Variants in ADGRV1 observed in about 807,000 individuals in gnomAD.
ADGRV1 encodes G-protein coupled receptor 98.
A neutral mutation model predicts 596.2 loss-of-function variants in ADGRV1; 359 were observed. That is an observed-to-expected ratio of 0.60 (90% CI 0.55 to 0.66). The LOEUF is 0.66. Ranked by LOEUF, ADGRV1 falls within the 30% of genes least tolerant of loss-of-function variation. The pLI, the probability that ADGRV1 is intolerant of heterozygous loss-of-function variation, is 0.00. For synonymous variants in ADGRV1, 2,681 were observed against 2,679.2 expected (o/e 1.00, Z -0.02); for missense variants, 7,274 against 7,575.6 (o/e 0.96, Z 1.48).
chr5:90,888,459 T>G (rs527920635), intron 83 of ADGRV1, among the ~76,000 whole-genome samples: 25 of 152,270 alleles, frequency 1.6e-4, no homozygotes, highest in South Asian at 2.1e-4. Flanking sequence ...AGCAATATCT[T>G]CTGGCTGGCA....
At chr5:90,698,667 AGAT>A (rs1262392946) in intron 34 of ADGRV1, among the ~76,000 whole-genome samples, 1 of 152,198 alleles carries the variant, frequency 6.6e-6, no homozygotes, top group Non-Finnish European at 1.5e-5. Context: ...CATTGGTTAA[AGAT>A]GATAGCTGAA....
Position 90,940,301 on chromosome 5 carries a change from G to A in ADGRV1, c.17857-25114G>A, listed in dbSNP as rs947794591. Among the ~76,000 whole-genome samples, 3 of 152,182 alleles carry A rather than the reference G, an allele frequency of 2.0e-5. No individual in the cohort carries two copies. The East Asian group carries it at 5.8e-4, about 29-fold the overall frequency. ...CTCAGTGTTCAAACTATTCCACAAA[G>A]AGAAAATATATTATCTGTGTTACTA... On this transcript the variant is annotated intron_variant, in intron 83 of 89. Coordinates refer to ENST00000405460, the MANE Select transcript of ADGRV1 (RefSeq NM_032119.4).
intron 83 of ADGRV1, among the ~76,000 whole-genome samples, chr5:90,956,891 A>G (rs1054420072): frequency 6.6e-6 from 1 of 152,194 alleles, no homozygotes; most frequent in Non-Finnish European, 1.5e-5. Context: ...AAAGAGCTGT[A>G]ATGTTAAGAT....
rs73772440 is a variant in ADGRV1 at position 90,672,254 on chromosome 5, C to T, written c.4753-292C>T. On this transcript the variant is annotated intron_variant, in intron 21 of 89. Transcript: ENST00000405460. ...TATTTTGCAACCATAGCATATGGCA[C>T]AGTGGTTGGAACACAGGAGGTATCA... is the stretch of plus-strand genomic sequence containing the variant. Among the ~76,000 whole-genome samples, 952 of 152,264 alleles carry T rather than the reference C, an allele frequency of 6.3e-3. 6 individuals are homozygous for T. Among genetic ancestry groups the T allele is most frequent in the African/African-American group, 0.022 (910 of 41,552 alleles).
At position 90,791,224 on chromosome 5, in the gene ADGRV1, G is replaced by T; in HGVS notation, c.14395G>T (p.Val4799Phe). ...TGCTGGAACATTTGGAGATGTGGCT[G>T]TTGGGCTTCGAATATCATCGGATCA... ...RLAGTFGDVA[V>F]GLRISSDHKE... The change falls in exon 70 of 90, where the codon GTT (valine) becomes TTT (phenylalanine). Residue 4799 changes from valine to phenylalanine, a missense_variant. By Grantham distance (50) the Val-to-Phe change is conservative (BLOSUM62 -1). Transcript: ENST00000405460. The T allele has an allele frequency of 6.2e-7, 1 of 1,613,664 alleles. No homozygotes were observed. The highest frequency in any genetic ancestry group is 8.5e-7 in the Non-Finnish European group (1 of 1,179,800).
At chr5:90,664,478 T>C (rs1401384701) in intron 21 of ADGRV1, among the ~76,000 whole-genome samples, 1 of 150,182 alleles carries the variant, frequency 6.7e-6, no homozygotes, top group Non-Finnish European at 1.5e-5. Context: ...CCTGAGACTT[T>C]GCTGAAGTTG....
intron 1 of ADGRV1, among the ~76,000 whole-genome samples, chr5:90,596,791 AGAGGGAGACCATGGGGAGAGGGC>A (rs1236532502): frequency 6.6e-6 from 1 of 152,114 alleles, no homozygotes. Flanking sequence ...AAAGAGAGGG[AGAGGGAGACCATGGGGAGAGGGC>A]GAGGGCGAGG....
intron 86 of ADGRV1, among the ~76,000 whole-genome samples, chr5:91,100,621 A>G (rs1791295917): frequency 2.0e-5 from 3 of 152,230 alleles, no homozygotes; most frequent in Admixed American, 1.3e-4. Context: ...CAAACATTTG[A>G]TAAGGAAAAA....
intron 52 of ADGRV1, among the ~76,000 whole-genome samples, chr5:90,748,833 T>TA (rs3046511): frequency 2.0e-5 from 3 of 151,738 alleles, no homozygotes; most frequent in African/African-American, 7.3e-5. Flanking sequence ...GTTTTTTTTT[T>TA]AACTAGAATT....
intron 83 of ADGRV1, among the ~76,000 whole-genome samples, chr5:90,871,340 T>C (rs1346123074): frequency 6.6e-6 from 1 of 152,200 alleles, no homozygotes; most frequent in Non-Finnish European, 1.5e-5. Flanking sequence ...AATTTGTCTT[T>C]CTTAAAGTCT....
chr5:91,096,664 C>G (rs749271849), intron 86 of ADGRV1, among the ~76,000 whole-genome samples: 2 of 152,064 alleles, frequency 1.3e-5, no homozygotes, highest in African/African-American at 4.8e-5. Flanking sequence ...CTTGACACAG[C>G]CTGAGTTACT....
In ADGRV1 at chr5:90,728,714, C is replaced by G. The variant is rs753232343; in HGVS notation, c.10207C>G (p.Pro3403Ala). ...AAGCTTCGTGTTGCATCAAAAACTC[C>G]CTGTCCGAGGTGTGCTGACCGTGGC... ...GGSFVLHQKL[P>A]VRGVLTVALF... The change falls in exon 49 of 90, where the codon CCT (proline) becomes GCT (alanine). Residue 3403 changes from proline to alanine, a missense_variant. Pro to Ala is a conservative substitution (Grantham distance 27). Coordinates refer to ENST00000405460, the MANE Select transcript of ADGRV1 (RefSeq NM_032119.4). 1.2e-6 allele frequency: 2 copies of G among 1,613,168 alleles called. No individual in the cohort carries two copies. Among genetic ancestry groups the G allele is most frequent in the Admixed American group, 1.7e-5 (1 of 59,944 alleles).
chr5:90,561,111 A>C (rs915198754), intron 1 of ADGRV1, among the ~76,000 whole-genome samples: 2 of 152,160 alleles, frequency 1.3e-5, no homozygotes, highest in Non-Finnish European at 2.9e-5. Context: ...TTTATATTGG[A>C]TCATGAATTA....
chr5:90,699,166 A>G (rs12187771), intron 34 of ADGRV1, among the ~76,000 whole-genome samples: 22,653 of 152,180 alleles, frequency 0.15, 2,488 homozygotes, highest in Admixed American at 0.35. Context: ...AGCAGTATCT[A>G]TGGGCTGGTA....
chr5:90,991,014 C>T (rs17571029), intron 85 of ADGRV1, among the ~76,000 whole-genome samples: 33,592 of 151,970 alleles, frequency 0.22, 4,117 homozygotes, highest in Non-Finnish European at 0.29. Context: ...GGAATGTGGT[C>T]CTGAGGAATG....
chr5:90,847,479 C>A (rs1766011144), intron 78 of ADGRV1, among the ~76,000 whole-genome samples: 1 of 152,250 alleles, frequency 6.6e-6, no homozygotes, highest in South Asian at 2.1e-4. Flanking sequence ...ACCAGGGCTG[C>A]AGGTGGAGCT....
At chr5:90,607,652 G>T (rs939935944) in intron 1 of ADGRV1, among the ~76,000 whole-genome samples, 3 of 152,144 alleles carry the variant, frequency 2.0e-5, no homozygotes, top group African/African-American at 7.2e-5. Context: ...TAAGAGTAAA[G>T]TTTTTTCTGT....
intron 85 of ADGRV1, among the ~76,000 whole-genome samples, chr5:91,044,769 T>C (rs1785648315): frequency 6.6e-6 from 1 of 152,216 alleles, no homozygotes; most frequent in African/African-American, 2.4e-5. Flanking sequence ...TAAATGTTTC[T>C]TCTTTCTTGA....
rs1202088886 is a variant in ADGRV1 at position 90,840,634 on chromosome 5, A to G, written c.16668A>G (p.Gly5556=). The G allele has an allele frequency of 1.2e-6, 2 of 1,613,244 alleles. No homozygotes were observed. The highest frequency in any genetic ancestry group is 1.7e-6 in the Non-Finnish European group (2 of 1,179,396). Residue 5556 remains glycine, a synonymous_variant, in exon 78 of 90, where the codon GGA becomes GGG. Transcript: ENST00000405460. ...CCATCATATCTCCAGCTATTTCTGG[A>G]AAGGATTTTGTGATAACTGAAGGCA... ...GRTIISPAIS[G]KDFVITEGTL...
Sources: allele counts gnomAD v4.1 joint callset (sites outside exome capture counted in the v4.1 genomes callset), GRCh38; gene constraint gnomAD v4.1.1; transcripts MANE v1.5; gene names NCBI Gene and HGNC (gene_info 2026-07-23, HGNC 2026-07-21).